The following SPAG16 variants were observed in gnomAD, a reference collection of about 807,000 sequenced individuals.
SPAG16 encodes sperm-associated antigen 16 protein.
Under a neutral mutation model 80.4 loss-of-function variants are expected in SPAG16, and 86 were observed. The observed-to-expected ratio is 1.07, with a 90% confidence interval of 0.90 to 1.28. The LOEUF (loss-of-function observed/expected upper bound fraction) is 1.28, where lower values mean the gene tolerates loss of function less well. Ranked by LOEUF, SPAG16 falls within the 50% of genes most tolerant of loss-of-function variation. The pLI, the probability that SPAG16 is intolerant of heterozygous loss-of-function variation, is 0.00. For missense variants in SPAG16, 870 were observed against 765.3 expected (o/e 1.14, Z -1.61); for synonymous variants, 294 against 265.9 (o/e 1.11, Z -1.03).
At chr2:213,427,254 A>G (rs1250724042) in intron 9 of SPAG16, among the ~76,000 whole-genome samples, 2 of 152,172 alleles carry the variant, frequency 1.3e-5, no homozygotes, top group Non-Finnish European at 2.9e-5. Context: ...ATCTAAAGCT[A>G]ACTTTAACTT....
At chr2:213,952,444 A>G (rs1003924576) in intron 12 of SPAG16, among the ~76,000 whole-genome samples, 2 of 152,036 alleles carry the variant, frequency 1.3e-5, no homozygotes, top group Admixed American at 6.5e-5. Context: ...TAAAAGAATA[A>G]AATTAGATCA....
At chr2:214,040,043 A>G (rs1408371057) in intron 13 of SPAG16, among the ~76,000 whole-genome samples, 4 of 152,164 alleles carry the variant, frequency 2.6e-5, no homozygotes, top group Non-Finnish European at 4.4e-5. Flanking sequence ...GGTGGAGCCA[A>G]TGGTCGTCAG....
At chr2:213,558,472 A>T (rs1338765212) in intron 10 of SPAG16, among the ~76,000 whole-genome samples, 1 of 150,062 alleles carries the variant, frequency 6.7e-6, no homozygotes, top group Non-Finnish European at 1.5e-5. Flanking sequence ...TTACATGAGA[A>T]TTTTTTTTTT....
intron 10 of SPAG16, among the ~76,000 whole-genome samples, chr2:213,671,452 T>C (rs971617469): frequency 6.6e-5 from 10 of 152,138 alleles, no homozygotes; most frequent in African/African-American, 2.4e-4. Context: ...ATGAGTGGCA[T>C]ACATAGCAGA....
intron 12 of SPAG16, among the ~76,000 whole-genome samples, chr2:214,013,700 T>C (rs2047435291): frequency 6.6e-6 from 1 of 152,216 alleles, no homozygotes; most frequent in Admixed American, 6.5e-5. Flanking sequence ...ATAAATGAGA[T>C]AGTATAAAGA....
At chr2:214,404,304 C>T (rs558757594) in intron 15 of SPAG16, among the ~76,000 whole-genome samples, 1 of 152,306 alleles carries the variant, frequency 6.6e-6, no homozygotes, top group Non-Finnish European at 1.5e-5. Context: ...GCAACTGCCA[C>T]ACGTGCATTT....
intron 12 of SPAG16, among the ~76,000 whole-genome samples, chr2:213,935,078 T>G (rs540382368): frequency 5.9e-5 from 9 of 151,988 alleles, no homozygotes; most frequent in African/African-American, 1.9e-4. Context: ...GGCAGGTGCC[T>G]GTAGTCCCAG....
chr2:213,875,541 A>T (rs1402486710), intron 11 of SPAG16, among the ~76,000 whole-genome samples: 1 of 152,134 alleles, frequency 6.6e-6, no homozygotes, highest in African/African-American at 2.4e-5. Context: ...GGTTGCAGTG[A>T]ATTAAAGAGT....
intron 10 of SPAG16, among the ~76,000 whole-genome samples, chr2:213,791,476 T>C (rs2070700080): frequency 6.6e-6 from 1 of 151,984 alleles, no homozygotes; most frequent in African/African-American, 2.4e-5. Flanking sequence ...AATCATAATA[T>C]TTACGGAAGA....
At chr2:213,537,065 A>G (rs2076276382) in intron 10 of SPAG16, among the ~76,000 whole-genome samples, 1 of 151,206 alleles carries the variant, frequency 6.6e-6, no homozygotes, top group Non-Finnish European at 1.5e-5. Context: ...CGCAACAACA[A>G]AAAATCAAAC....
chr2:213,289,802 A>G (rs2062197751), intron 1 of SPAG16, among the ~76,000 whole-genome samples: 1 of 152,260 alleles, frequency 6.6e-6, no homozygotes, highest in Non-Finnish European at 1.5e-5. Flanking sequence ...CATGTAAAAT[A>G]TAATTAGCTA....
At chr2:213,944,905 G>T (rs1848913) in intron 12 of SPAG16, among the ~76,000 whole-genome samples, 92 of 151,996 alleles carry the variant, frequency 6.1e-4, no homozygotes, top group South Asian at 2.5e-3. Context: ...GGGCGTGGGG[G>T]CGTGCACCTG....
intron 15 of SPAG16, among the ~76,000 whole-genome samples, chr2:214,313,054 C>A (rs548804460): frequency 5.9e-5 from 9 of 151,596 alleles, no homozygotes; most frequent in Non-Finnish European, 1.2e-4. Flanking sequence ...AAGCTACCTG[C>A]GAATATTTCA....
intron 10 of SPAG16, among the ~76,000 whole-genome samples, chr2:213,707,060 TA>T (rs2065786468): frequency 6.6e-6 from 1 of 152,224 alleles, no homozygotes. Context: ...ACTTCTGTCA[TA>T]TTCTATTGGT....
intron 11 of SPAG16, among the ~76,000 whole-genome samples, chr2:213,922,886 G>A (rs1452446407): frequency 6.6e-6 from 1 of 152,118 alleles, no homozygotes; most frequent in East Asian, 1.9e-4. Flanking sequence ...AAGGGCTGCG[G>A]TTGACAGACA....
chr2:213,873,618 T>C (rs2076032286), intron 11 of SPAG16, among the ~76,000 whole-genome samples: 1 of 152,010 alleles, frequency 6.6e-6, no homozygotes, highest in South Asian at 2.1e-4. Context: ...AAATGTACCA[T>C]TTACATCTGT....
At chr2:214,396,209 T>C (rs1474682766) in intron 15 of SPAG16, among the ~76,000 whole-genome samples, 1 of 152,174 alleles carries the variant, frequency 6.6e-6, no homozygotes, top group Non-Finnish European at 1.5e-5. Flanking sequence ...TTATGAGGTA[T>C]GTCTTTTGCA....
chr2:213,718,620 G>A (rs946194810), intron 10 of SPAG16, among the ~76,000 whole-genome samples: 3 of 152,184 alleles, frequency 2.0e-5, no homozygotes, highest in African/African-American at 7.2e-5. Flanking sequence ...GGGCAATGGG[G>A]GACTTAGCAC....
chr2:214,004,892 T>C (rs1045955663), intron 12 of SPAG16, among the ~76,000 whole-genome samples: 3 of 152,158 alleles, frequency 2.0e-5, no homozygotes, highest in Non-Finnish European at 2.9e-5. Context: ...TGATTACAAA[T>C]ATATTTTATT....
Sources: gnomAD v4.1 joint callset for allele counts (sites outside exome capture counted in the v4.1 genomes callset) on GRCh38, gnomAD v4.1.1 for gene constraint, MANE v1.5 for transcripts, NCBI Gene and HGNC (gene_info 2026-07-23, HGNC 2026-07-21) for gene names.